The following PKHD1L1 variants were observed in gnomAD, a reference collection of about 807,000 sequenced individuals.
The protein encoded by PKHD1L1 is fibrocystin-L.
PKHD1L1 carries 434 observed loss-of-function variants against 462.9 expected under a neutral mutation model. The ratio of observed to expected loss-of-function variants is 0.94; its 90% confidence interval spans 0.87 to 1.02. PKHD1L1 has a LOEUF of 1.02. Ranked by LOEUF, PKHD1L1 falls within the 50% of genes least tolerant of loss-of-function variation. The pLI, the probability that PKHD1L1 is intolerant of heterozygous loss-of-function variation, is 0.00. For missense variants in PKHD1L1, 5,202 were observed against 5,096.1 expected, an observed-to-expected ratio of 1.02 and a Z score of -0.63; for synonymous variants, 1,781 against 1,750.0, an observed-to-expected ratio of 1.02 and a Z score of -0.44.
chr8:109,464,169 C>G, intron 48 of PKHD1L1, 47 bp from the exon 49 acceptor site: 2 of 1,297,780 alleles, frequency 1.5e-6, no homozygotes, highest in East Asian at 5.4e-5. Context: ...AATATGAGCT[C>G]AACATCTGAG....
chr8:109,482,421 T>G (rs1032252512), intron 56 of PKHD1L1, among the ~76,000 whole-genome samples: 2 of 151,816 alleles, frequency 1.3e-5, no homozygotes, highest in East Asian at 3.9e-4. Context: ...TTTCTAATTC[T>G]CTTTTAAGGA....
intron 18 of PKHD1L1, among the ~76,000 whole-genome samples, chr8:109,409,575 C>G (rs1427197538): frequency 6.6e-6 from 1 of 152,042 alleles, no homozygotes; most frequent in Non-Finnish European, 1.5e-5. Flanking sequence ...CTTCATTGCT[C>G]TCTTTAAAAA....
At chr8:109,496,130 C>T (rs1245586484) in intron 63 of PKHD1L1, among the ~76,000 whole-genome samples, 1 of 152,118 alleles carries the variant, frequency 6.6e-6, no homozygotes, top group East Asian at 1.9e-4. Context: ...TATTTAAAGA[C>T]CACCTATCTC....
chr8:109,407,997 T>G, intron 17 of PKHD1L1, 52 bp from the exon 18 acceptor site: 5 of 1,308,504 alleles, frequency 3.8e-6, no homozygotes, highest in Non-Finnish European at 5.1e-6. Context: ...GTTTTATATA[T>G]AGGCATTTTA....
chr8:109,430,090 G>A (rs759844819), intron 27 of PKHD1L1, 53 bp downstream of exon 27: 22 of 1,148,108 alleles, frequency 1.9e-5, no homozygotes, highest in Non-Finnish European at 2.7e-5. Context: ...TCAGCAAAAT[G>A]TAAACTCTGA....
At chr8:109,364,297 A>G (rs372407228) in intron 1 of PKHD1L1, among the ~76,000 whole-genome samples, 1 of 152,230 alleles carries the variant, frequency 6.6e-6, no homozygotes, top group East Asian at 1.9e-4. Flanking sequence ...GATGAAAATG[A>G]TCACGTGTTA....
At chr8:109,496,525 A>T (rs1262461184) in intron 63 of PKHD1L1, among the ~76,000 whole-genome samples, 1 of 152,256 alleles carries the variant, frequency 6.6e-6, no homozygotes, top group East Asian at 1.9e-4. Flanking sequence ...AAGTGTGTTA[A>T]CACTAAACTT....
At chr8:109,432,009 G>A (rs1366074654) in intron 27 of PKHD1L1, among the ~76,000 whole-genome samples, 1 of 152,122 alleles carries the variant, frequency 6.6e-6, no homozygotes, top group Non-Finnish European at 1.5e-5. Flanking sequence ...TCCGATGGGT[G>A]AAAGTTAACA....
chr8:109,520,321 C>A (rs989287126), intron 73 of PKHD1L1, among the ~76,000 whole-genome samples: 3 of 152,062 alleles, frequency 2.0e-5, no homozygotes, highest in Non-Finnish European at 4.4e-5. Context: ...AGATTACTCA[C>A]CTACTCTTAG....
Position 109,402,794 on chromosome 8 carries a change from T to G in PKHD1L1, c.1373+1206T>G, listed in dbSNP as rs150452788. On this transcript the variant is annotated intron_variant, in intron 14 of 77. Coordinates refer to ENST00000378402, the MANE Select transcript of PKHD1L1 (RefSeq NM_177531.6). Reference sequence around the variant, plus strand: ...CAGCATCATGAGGATCTTTTGGAATTGGACAAGGAGGGTTGGGATCAATGG... The same window carrying G: ...CAGCATCATGAGGATCTTTTGGAATGGGACAAGGAGGGTTGGGATCAATGG... Among the ~76,000 whole-genome samples, 10 of 152,254 alleles carry G rather than the reference T, an allele frequency of 6.6e-5. No homozygotes were observed. The East Asian group carries it at 1.4e-3, about 21-fold the overall frequency.
chr8:109,518,326 A>G lies in PKHD1L1; in HGVS notation c.11849A>G (p.Asp3950Gly), dbSNP rs1298604688. Reference sequence around the variant, plus strand: ...TTCCAATTATCTGTTGCAACAGAAGATGACTTTTATACCTCTCACAATCTG... The same window carrying G: ...TTCCAATTATCTGTTGCAACAGAAGGTGACTTTTATACCTCTCACAATCTG... The part of the protein sequence containing the change: ...VSFQLSVATE[D>G]DFYTSHNLVK... The change falls in exon 73 of 78, where the codon GAT becomes GGT. Residue 3950 changes from aspartate to glycine, a missense_variant. This residue lies in a region of PKHD1L1 where 698 missense variants were observed against 736.3 expected (regional missense o/e 0.95). Coordinates refer to ENST00000378402, the MANE Select transcript of PKHD1L1 (RefSeq NM_177531.6). 1 of 1,613,472 alleles carries G rather than the reference A, an allele frequency of 6.2e-7. No individual in the cohort carries two copies. Among genetic ancestry groups the G allele is most frequent in the South Asian group, 1.1e-5 (1 of 91,076 alleles).
At position 109,507,776 on chromosome 8, in the gene PKHD1L1, C is replaced by T. The variant is rs1819767644; in HGVS notation, c.11108C>T (p.Ala3703Val). The T allele has an allele frequency of 6.2e-7, 1 of 1,613,348 alleles. No individual in the cohort carries two copies. Among genetic ancestry groups the T allele is most frequent in the African/African-American group, 1.3e-5 (1 of 74,926 alleles). ...LGNAGSVIPQ[A>V]EYEWDGNSQV... ...AATGCTGGTTCTGTGATACCTCAAG[C>T]AGAATATGAATGGGACGGAAACAGC... The change falls in exon 69 of 78, where the codon GCA becomes GTA. Residue 3703 changes from alanine to valine, a missense_variant. By Grantham distance (64) the Ala-to-Val change is moderately conservative. Transcript: ENST00000378402.
intron 49 of PKHD1L1, 101 bp from the exon 50 acceptor site, chr8:109,466,477 C>G: frequency 1.7e-6 from 2 of 1,172,184 alleles, no homozygotes; most frequent in South Asian, 1.9e-5. Flanking sequence ...GACTTTTAGA[C>G]TGTATTAGTG....
intron 4 of PKHD1L1, among the ~76,000 whole-genome samples, chr8:109,383,117 A>ATTTT (rs1812215868): frequency 9.0e-6 from 1 of 110,698 alleles, no homozygotes; most frequent in Non-Finnish European, 1.7e-5. Context: ...AGTTATATAT[A>ATTTT]ATATATAGTT....
intron 65 of PKHD1L1, among the ~76,000 whole-genome samples, chr8:109,497,901 C>T (rs777370930): frequency 7.9e-4 from 120 of 152,242 alleles, no homozygotes; most frequent in Admixed American, 3.1e-3. Context: ...GTATTTATCA[C>T]AGAAACATAA....
chr8:109,446,218 C>T (rs1816129405), intron 38 of PKHD1L1, among the ~76,000 whole-genome samples: 4 of 152,104 alleles, frequency 2.6e-5, no homozygotes, highest in Non-Finnish European at 4.4e-5. Flanking sequence ...TGTCATTATG[C>T]TATGCTATTT....
chr8:109,470,550 T>G, intron 50 of PKHD1L1: 2 of 1,609,542 alleles, frequency 1.2e-6, no homozygotes. Context: ...ATTCCTTTAT[T>G]GCAGGAACTA....
intron 59 of PKHD1L1, among the ~76,000 whole-genome samples, chr8:109,488,506 A>G (rs1818667615): frequency 1.3e-5 from 2 of 151,970 alleles, no homozygotes; most frequent in Admixed American, 1.3e-4. Flanking sequence ...TGTTCCTCCA[A>G]GTAATTCTGG....
intron 9 of PKHD1L1, 64 bp downstream of exon 9, chr8:109,390,558 ATATT>A: frequency 1.0e-6 from 1 of 980,674 alleles, no homozygotes; most frequent in Non-Finnish European, 1.4e-6. Flanking sequence ...GATAAAATGT[ATATT>A]TAGTTTGTGC....
Sources: allele counts gnomAD v4.1 joint callset (sites outside exome capture counted in the v4.1 genomes callset), GRCh38; gene constraint gnomAD v4.1.1; regional missense constraint gnomAD v4.1.1; transcripts MANE v1.5; gene names NCBI Gene and HGNC (gene_info 2026-07-23, HGNC 2026-07-21).